The following GCC2 variants were observed in gnomAD, a reference collection of about 807,000 sequenced individuals.
The protein encoded by GCC2 is GRIP and coiled-coil domain containing 2, also known as GRIP and coiled-coil domain-containing protein 2.
Under a neutral mutation model 210.6 loss-of-function variants are expected in GCC2, and 120 were observed. The observed-to-expected ratio is 0.57, with a 90% CI of 0.49 to 0.66. The LOEUF (loss-of-function observed/expected upper bound fraction) is 0.66. GCC2 is among the 30% of genes least tolerant of loss of function. The pLI, the probability that GCC2 is intolerant of heterozygous loss-of-function variation, is 0.00. For missense variants in GCC2, 1,868 were observed against 1,871.9 expected (o/e 1.00, Z 0.04); for synonymous variants, 703 against 652.7 (o/e 1.08, Z -1.17).
chr2:108,483,192 T>C (rs775352330), intron 12 of GCC2, 26 bp downstream of exon 12: 47 of 1,046,508 alleles, frequency 4.5e-5, no homozygotes, highest in African/African-American at 7.9e-5. Context: ...AGGATCAAAA[T>C]TGATGTAATA....
chr2:108,475,299 G>A (rs1335371656), intron 7 of GCC2: 1 of 269,346 alleles, frequency 3.7e-6, no homozygotes, highest in Non-Finnish European at 6.9e-6. Flanking sequence ...CATATGAAAC[G>A]GCTAGAAAAA....
At chr2:108,451,874 G>A (rs1296161587) in intron 3 of GCC2, among the ~76,000 whole-genome samples, 2 of 127,400 alleles carry the variant, frequency 1.6e-5, no homozygotes, top group African/African-American at 3.1e-5. Context: ...ACGGAGTCTC[G>A]CTCTTCTTGG....
intron 17 of GCC2, among the ~76,000 whole-genome samples, chr2:108,489,344 T>A (rs1254783778): frequency 6.6e-6 from 1 of 152,166 alleles, no homozygotes; most frequent in Non-Finnish European, 1.5e-5. Flanking sequence ...GGTGAAACAC[T>A]GTCTCTACTA....
chr2:108,486,701 G>C, intron 16 of GCC2, 53 bp downstream of exon 16: 1 of 1,553,482 alleles, frequency 6.4e-7, no homozygotes, highest in Non-Finnish European at 8.8e-7. Flanking sequence ...TTATCAGCTA[G>C]TCATTGGTTT....
chr2:108,500,356 T>G (rs1192904319), intron 22 of GCC2, among the ~76,000 whole-genome samples: 1 of 151,926 alleles, frequency 6.6e-6, no homozygotes, highest in Non-Finnish European at 1.5e-5. Context: ...CTACTAAAAA[T>G]ACAAAAATTA....
At chr2:108,494,093 A>T (rs1181096605) in intron 19 of GCC2, 8 of 511,486 alleles carry the variant, frequency 1.6e-5, no homozygotes, top group Non-Finnish European at 2.0e-5. Flanking sequence ...TACAGTTTAG[A>T]CCAGGCGTGG....
intron 22 of GCC2, among the ~76,000 whole-genome samples, chr2:108,505,927 T>A (rs1683160627): frequency 6.6e-6 from 1 of 152,180 alleles, no homozygotes; most frequent in South Asian, 2.1e-4. Context: ...TGTAAAATTT[T>A]GAAAATGCTA....
chr2:108,473,936 G>A (rs950102267), intron 7 of GCC2, among the ~76,000 whole-genome samples: 3 of 151,952 alleles, frequency 2.0e-5, no homozygotes, highest in Non-Finnish European at 2.9e-5. Context: ...GGCGGATCAC[G>A]AGGTCAGGAG....
chr2:108,494,099 C>T (rs1008994434), intron 19 of GCC2: 11 of 483,536 alleles, frequency 2.3e-5, no homozygotes, highest in Non-Finnish European at 2.7e-5. Context: ...TTAGACCAGG[C>T]GTGGTGTCTC....
intron 9 of GCC2, among the ~76,000 whole-genome samples, chr2:108,479,820 A>T (rs989713804): frequency 6.6e-6 from 1 of 151,980 alleles, no homozygotes; most frequent in African/African-American, 2.4e-5. Context: ...CATCTCTACT[A>T]AAAATACAAA....
At position 108,470,931 on chromosome 2, in the gene GCC2, C is replaced by T. The variant is rs540949615; in HGVS notation, c.1602C>T (p.Leu534=). ...CTTTTACTGAAAAAGATGCCCTTCT[C>T]GAAACTGTGAATCGCCTCCAGGGAG... ...RTAFTEKDAL[L]ETVNRLQGEN... The change falls in exon 6 of 23, where the codon CTC becomes CTT. Residue 534 remains leucine, a synonymous_variant. Transcript: ENST00000309863. 33 of 1,613,262 alleles carry T rather than the reference C, an allele frequency of 2.0e-5. No individual in the cohort carries two copies. In the East Asian group the frequency reaches 3.3e-4, roughly 16 times the overall value.
intron 8 of GCC2, 52 bp downstream of exon 8, chr2:108,475,687 C>G (rs1558744424): frequency 1.4e-6 from 2 of 1,458,136 alleles, no homozygotes; most frequent in South Asian, 1.2e-5. Context: ...TTTTAAAAAT[C>G]AAGAGTTTTT....
At chr2:108,493,498 G>A in intron 19 of GCC2, 1 of 986,580 alleles carries the variant, frequency 1.0e-6, no homozygotes. Context: ...AAGGAACTTA[G>A]AAACACTCAA....
chr2:108,493,655 A>C (rs1476253789), intron 19 of GCC2: 8 of 985,446 alleles, frequency 8.1e-6, no homozygotes, highest in Non-Finnish European at 9.6e-6. Context: ...ATGATGATGC[A>C]GTATTTTAGT....
intron 19 of GCC2, 136 bp from the exon 20 acceptor site, chr2:108,495,155 C>G: frequency 1.8e-6 from 1 of 548,134 alleles, no homozygotes; most frequent in Non-Finnish European, 3.2e-6. Context: ...TCTTCATACA[C>G]CTTTCACTTA....
rs1271894243 is a variant in GCC2, at chr2:108,478,808, C to T, written c.3061-2889C>T. The stretch of plus-strand genomic sequence containing the variant: ...CTAAGAGGATAAATATCTCTGATTT[C>T]TAGAGGAGCCTACCCAAATACTAAA... On this transcript the variant is annotated intron_variant, in intron 9 of 22. Transcript: ENST00000309863. Among the ~76,000 whole-genome samples, 3 of 152,162 alleles carry T rather than the reference C, an allele frequency of 2.0e-5. No individual in the cohort carries two copies. The East Asian group carries it at 5.8e-4, about 29-fold the overall frequency.
At chr2:108,502,386 A>G (rs1051375409) in intron 22 of GCC2, among the ~76,000 whole-genome samples, 4 of 152,194 alleles carry the variant, frequency 2.6e-5, no homozygotes, top group Non-Finnish European at 5.9e-5. Flanking sequence ...GACTAACCTA[A>G]GGGATACCAA....
chr2:108,490,121 A>G, intron 18 of GCC2, 107 bp downstream of exon 18: 1 of 811,134 alleles, frequency 1.2e-6, no homozygotes, highest in Non-Finnish European at 1.8e-6. Context: ...AAAATAAAAA[A>G]TAGACATTTC....
rs1293995034 is a variant in GCC2, at chr2:108,471,757, G to A, written c.2428G>A (p.Glu810Lys). The stretch of plus-strand genomic sequence containing the variant: ...TTTTCAGCGTGATGAAAAAGTATTA[G>A]AGTTAGAAAAAGAGATTAAGTGCCT... ...LAFQRDEKVLELEKEIKCLQE... is the reference protein window; with the variant it reads ...LAFQRDEKVLKLEKEIKCLQE... The change falls in exon 6 of 23, where the codon GAG (glutamate) becomes AAG (lysine). Residue 810 changes from glutamate to lysine, a missense_variant. Physicochemically the swap from Glu to Lys is moderately conservative, Grantham distance 56. Transcript: ENST00000309863. The A allele has an allele frequency of 6.2e-7, 1 of 1,613,108 alleles. No individual in the cohort carries two copies. The highest frequency in any genetic ancestry group is 1.1e-5 in the South Asian group (1 of 90,924).
Sources: gnomAD v4.1 joint callset for allele counts (sites outside exome capture counted in the v4.1 genomes callset) on GRCh38, gnomAD v4.1.1 for gene constraint, MANE v1.5 for transcripts, NCBI Gene and HGNC (gene_info 2026-07-23, HGNC 2026-07-21) for gene names.